Variants in TUT7 observed in about 807,000 individuals in gnomAD.
TUT7 encodes terminal uridylyltransferase 7.
In TUT7, 33 loss-of-function variants were observed where a neutral mutation model predicts 165.9. That is an observed-to-expected ratio of 0.20 (90% CI 0.15 to 0.27). The LOEUF (loss-of-function observed/expected upper bound fraction) is 0.27. TUT7 is among the 10% of genes least tolerant of loss of function. TUT7 has a pLI of 1.00. For missense variants in TUT7, 1,338 were observed against 1,762.3 expected (o/e 0.76, Z 4.31); for synonymous variants, 552 against 608.1 (o/e 0.91, Z 1.36).
chr9:86,346,079 A>G (rs1366520439), intron 3 of TUT7, among the ~76,000 whole-genome samples: 1 of 152,064 alleles, frequency 6.6e-6, no homozygotes, highest in African/African-American at 2.4e-5. Flanking sequence ...TGCTACTGTT[A>G]TTGTTCCCTT....
intron 24 of TUT7, 26 bp downstream of exon 24, chr9:86,304,830 T>G: frequency 6.7e-7 from 1 of 1,498,896 alleles, no homozygotes; most frequent in Non-Finnish European, 9.1e-7. Flanking sequence ...TTATTTTTTA[T>G]TTTTTGGTAT....
At chr9:86,328,567 T>G in intron 10 of TUT7, 75 bp from the exon 11 acceptor site, 1 of 1,288,800 alleles carries the variant, frequency 7.8e-7, no homozygotes, top group Non-Finnish European at 1.0e-6. Flanking sequence ...AATCTTGGAA[T>G]AAAAAAATAC....
At chr9:86,313,913 A>C (rs2131377397) in intron 17 of TUT7, among the ~76,000 whole-genome samples, 1 of 152,362 alleles carries the variant, frequency 6.6e-6, no homozygotes, top group South Asian at 2.1e-4. Context: ...AAGACATTTC[A>C]GGAAAAAATC....
intron 10 of TUT7, among the ~76,000 whole-genome samples, chr9:86,329,753 A>C (rs555026403): frequency 1.3e-5 from 2 of 152,228 alleles, no homozygotes; most frequent in East Asian, 3.9e-4. Flanking sequence ...GGGCCTGAGT[A>C]ACCTGGCTCT....
At position 86,343,118 on chromosome 9, in the gene TUT7, A is replaced by C; in HGVS notation, c.1043T>G (p.Phe348Cys). ...GTCAATGTTTACATCCGAATTTTTG[A>C]AACCCAATCTGCTACAGGATGACCC... The part of the protein sequence containing the change: ...LYGSSCSRLG[F>C]KNSDVNIDIQ... Residue 348 changes from phenylalanine (F) to cysteine (C), a missense_variant, in exon 6 of 27, where the codon TTC becomes TGC. Phe to Cys is a radical substitution (Grantham distance 205). Coordinates refer to ENST00000375963, the MANE Select transcript of TUT7 (RefSeq NM_024617.4). 1 of 1,603,980 alleles carries C rather than the reference A, an allele frequency of 6.2e-7. No individual in the cohort carries two copies. Among genetic ancestry groups the C allele is most frequent in the Non-Finnish European group, 8.5e-7 (1 of 1,175,534 alleles).
intron 11 of TUT7, chr9:86,326,553 G>C (rs1483266366): frequency 6.5e-6 from 1 of 154,622 alleles, no homozygotes; most frequent in East Asian, 1.9e-4. Context: ...TGGCAGACTT[G>C]GTTGCTCTCT....
chr9:86,321,618 A>G (rs965448000), intron 14 of TUT7, among the ~76,000 whole-genome samples: 1 of 152,076 alleles, frequency 6.6e-6, no homozygotes, highest in African/African-American at 2.4e-5. Context: ...AATACCAGCT[A>G]CTTGGGTGGT....
chr9:86,353,327 G>C (rs1832460646), intron 1 of TUT7, 97 bp from the exon 2 acceptor site: 1 of 983,812 alleles, frequency 1.0e-6, no homozygotes, highest in Non-Finnish European at 1.4e-6. Context: ...CCCAAAGCCT[G>C]TAAGAAAGAA....
intron 5 of TUT7, among the ~76,000 whole-genome samples, chr9:86,344,680 C>T (rs1348665984): frequency 2.7e-5 from 4 of 149,096 alleles, no homozygotes; most frequent in Non-Finnish European, 3.0e-5. Context: ...TTTAGATGAG[C>T]GGAAAGGGAA....
intron 22 of TUT7, 144 bp downstream of exon 22, chr9:86,308,285 G>C: frequency 1.6e-6 from 1 of 617,162 alleles, no homozygotes; most frequent in African/African-American, 1.9e-5. Flanking sequence ...AGGCTGGAAA[G>C]AGAAAAGTTG....
chr9:86,338,222 T>G (rs1178939311), intron 9 of TUT7, among the ~76,000 whole-genome samples: 1 of 150,970 alleles, frequency 6.6e-6, no homozygotes, highest in African/African-American at 2.4e-5. Flanking sequence ...TTTTTTTTTT[T>G]TTTTTTTGAG....
chr9:86,324,942 C>T (rs1263053343), intron 12 of TUT7, among the ~76,000 whole-genome samples: 1 of 152,206 alleles, frequency 6.6e-6, no homozygotes, highest in Non-Finnish European at 1.5e-5. Flanking sequence ...GTATTGTCCT[C>T]ACCTTTGCAA....
chr9:86,332,703 A>G (rs1830430834), intron 10 of TUT7, among the ~76,000 whole-genome samples: 1 of 152,234 alleles, frequency 6.6e-6, no homozygotes, highest in African/African-American at 2.4e-5. Flanking sequence ...GAAAGTTAAA[A>G]ATAAATAAAT....
chr9:86,299,851 G>T (rs1286162291), intron 26 of TUT7, among the ~76,000 whole-genome samples: 1 of 152,140 alleles, frequency 6.6e-6, no homozygotes, highest in Non-Finnish European at 1.5e-5. Context: ...ATCAACACAG[G>T]CCTCGAGTAA....
At position 86,340,075 on chromosome 9, in the gene TUT7, T is replaced by C. The variant is rs1444662625; in HGVS notation, c.1169A>G (p.His390Arg). The C allele has an allele frequency of 1.2e-6, 2 of 1,613,922 alleles. No homozygotes were observed. The highest frequency in any genetic ancestry group is 8.5e-7 in the Non-Finnish European group (1 of 1,179,880). Residue 390 changes from histidine (H) to arginine (R), a missense_variant, in exon 8 of 27, where the codon CAT becomes CGT. His to Arg is a conservative substitution (Grantham distance 29). Around this residue, in one of 7 missense-constraint regions of TUT7, gnomAD observed 434 missense variants for 480.8 expected, o/e 0.90. Transcript: ENST00000375963. ...GCACACCACCACTGGCACCCTAGCA[T>C]GGAAGTCTGCATCAACATCAATAAA... ...DSFIDVDADF[H>R]ARVPVVVCRE...
chr9:86,323,824 C>A lies in TUT7; in HGVS notation c.1926G>T (p.Lys642Asn), dbSNP rs1384687918. The change falls in exon 13 of 27, where the codon AAG (lysine) becomes AAT (asparagine). Residue 642 changes from lysine (K) to asparagine (N), a missense_variant. Lys to Asn is a moderately conservative substitution (Grantham distance 94). Around this residue, in one of 7 missense-constraint regions of TUT7, gnomAD observed 425 missense variants for 474.9 expected, o/e 0.89. Coordinates refer to ENST00000375963, the MANE Select transcript of TUT7 (RefSeq NM_024617.4). ...PHKITKSSLLKPLNAITCISE... is the reference protein window; with the variant it reads ...PHKITKSSLLNPLNAITCISE... The stretch of plus-strand genomic sequence containing the variant: ...AAATACATGTAATTGCATTCAGAGG[C>A]TTTAGAAGGCTGGATTTTGTAATTT... The A allele has an allele frequency of 1.2e-6, 2 of 1,613,948 alleles. No individual in the cohort carries two copies. The highest frequency in any genetic ancestry group is 8.5e-7 in the Non-Finnish European group (1 of 1,179,874).
chr9:86,296,492 T>C (rs1826330999), intron 26 of TUT7, among the ~76,000 whole-genome samples: 1 of 152,312 alleles, frequency 6.6e-6, no homozygotes, highest in South Asian at 2.1e-4. Flanking sequence ...GGATTTTCTA[T>C]CTACTGTGAT....
chr9:86,303,603 T>C (rs551492310), intron 24 of TUT7, among the ~76,000 whole-genome samples: 12 of 152,306 alleles, frequency 7.9e-5, no homozygotes, highest in African/African-American at 2.4e-4. Flanking sequence ...ACAGATTATA[T>C]TGAAGAAAAG....
intron 2 of TUT7, among the ~76,000 whole-genome samples, chr9:86,352,009 G>T (rs549597567): frequency 3.3e-5 from 5 of 151,580 alleles, no homozygotes; most frequent in Non-Finnish European, 5.9e-5. Context: ...TTATCCCTTT[G>T]GGGCAATTAA....
Sources: gnomAD v4.1 joint callset for allele counts (sites outside exome capture counted in the v4.1 genomes callset) on GRCh38, gnomAD v4.1.1 for gene constraint, gnomAD v4.1.1 regional missense constraint, MANE v1.5 for transcripts, NCBI Gene and HGNC (gene_info 2026-07-23, HGNC 2026-07-21) for gene names.